Variants in ARAP2 observed in about 807,000 individuals in gnomAD.
The protein encoded by ARAP2 is ArfGAP with RhoGAP domain, ankyrin repeat and PH domain 2.
In ARAP2, 148 loss-of-function variants were observed where a neutral mutation model predicts 194.5. The ratio of observed to expected loss-of-function variants is 0.76; its 90% CI spans 0.67 to 0.87. ARAP2 has a LOEUF of 0.87. ARAP2 is among the 40% of genes least tolerant of loss of function. The probability of loss-of-function intolerance (pLI) is 0.00; values close to 1 mark genes in which losing one functional copy is unlikely to be tolerated. For missense variants in ARAP2, 2,128 were observed against 1,989.7 expected (o/e 1.07, Z -1.32); for synonymous variants, 695 against 683.5 (o/e 1.02, Z -0.26).
intron 26 of ARAP2, among the ~76,000 whole-genome samples, chr4:36,112,695 A>G (rs1281472105): frequency 6.6e-6 from 1 of 151,230 alleles, no homozygotes; most frequent in African/African-American, 2.5e-5. Flanking sequence ...AGAGATTTAA[A>G]AAAAAAAAAC....
downstream of ARAP2, among the ~76,000 whole-genome samples, chr4:36,064,501 TG>T (rs1440270820): frequency 2.0e-5 from 3 of 152,252 alleles, no homozygotes; most frequent in African/African-American, 7.2e-5. Context: ...CAGGACTTGC[TG>T]GCCCAGTTTG....
chr4:36,053,901 C>G (rs7693705), intron 2 of ARAP2, among the ~76,000 whole-genome samples: 54,306 of 151,712 alleles, frequency 0.36, 10,042 homozygotes, highest in Non-Finnish European at 0.4. Flanking sequence ...TGCTAAGTAG[C>G]TCAATACCAG....
intron 1 of ARAP2, among the ~76,000 whole-genome samples, chr4:36,060,809 G>C (rs563487328): frequency 1.3e-5 from 2 of 152,150 alleles, no homozygotes; most frequent in South Asian, 4.1e-4. Flanking sequence ...GTGTCTCTTT[G>C]TATGTCCTAA....
At position 36,058,298 on chromosome 4, in the gene ARAP2, C is replaced by G. The variant is rs190981317; in HGVS notation, n.148-155G>C. Among the ~76,000 whole-genome samples, 583 of 152,330 alleles carry G rather than the reference C, an allele frequency of 3.8e-3. 2 individuals are homozygous for G. The highest frequency in any genetic ancestry group is 6.9e-3 in the Non-Finnish European group (470 of 68,030). On this transcript the variant is annotated intron_variant and non_coding_transcript_variant, in intron 1 of 12. Coordinates refer to the ARAP2 transcript ENST00000503225. The stretch of plus-strand genomic sequence containing the variant: ...ACAAATGTCTTAAAAGGAAAACTAG[C>G]TATAGTTAGTTTTCTATTCCTCCAT...
At chr4:36,241,734 ATG>A (rs1284369826) in intron 1 of ARAP2, among the ~76,000 whole-genome samples, 1 of 152,214 alleles carries the variant, frequency 6.6e-6, no homozygotes, top group East Asian at 1.9e-4. Context: ...TTAAATTGTA[ATG>A]GTGAGAAAAA....
chr4:36,226,650 T>G (rs1750380322), intron 2 of ARAP2, among the ~76,000 whole-genome samples: 1 of 152,230 alleles, frequency 6.6e-6, no homozygotes, highest in African/African-American at 2.4e-5. Context: ...CTCATATTAC[T>G]TGTATGAAAT....
At chr4:36,138,434 A>T (rs1298949949) in intron 19 of ARAP2, among the ~76,000 whole-genome samples, 1 of 151,652 alleles carries the variant, frequency 6.6e-6, no homozygotes, top group African/African-American at 2.4e-5. Flanking sequence ...TTAGTTTCCC[A>T]GCTCTAAAGC....
At chr4:36,043,901 G>A (rs1310410145) in intron 5 of ARAP2, among the ~76,000 whole-genome samples, 5 of 141,552 alleles carry the variant, frequency 3.5e-5, no homozygotes, top group Non-Finnish European at 6.2e-5. Context: ...AAAGGGAGAG[G>A]GAAAGAGAAA....
downstream of ARAP2, among the ~76,000 whole-genome samples, chr4:36,063,403 C>T (rs1724792373): frequency 1.3e-5 from 2 of 151,392 alleles, no homozygotes; most frequent in South Asian, 4.2e-4. Context: ...CACACGTATA[C>T]CTATGTAACA....
Position 36,213,257 on chromosome 4 carries a change from G to T in ARAP2, c.1027C>A (p.Leu343Ile). 6.2e-7 allele frequency: 1 copy of T among 1,603,812 alleles called. No individual in the cohort carries two copies. Among genetic ancestry groups the T allele is most frequent in the Non-Finnish European group, 8.5e-7 (1 of 1,171,408 alleles). Residue 343 changes from leucine (L) to isoleucine (I), a missense_variant, in exon 4 of 33, where the codon CTA becomes ATA. Physicochemically the swap from Leu to Ile is conservative, Grantham distance 5. Coordinates refer to ENST00000303965, the MANE Select transcript of ARAP2 (RefSeq NM_015230.4). ...ATGGGACTAACCTTGGAATTTTCTAGTCTCTGGAAGAGAAAGGTCTCTCCA... is the reference window on the plus strand; with the variant it reads ...ATGGGACTAACCTTGGAATTTTCTATTCTCTGGAAGAGAAAGGTCTCTCCA... Reference protein sequence around the residue: ...PYGETFLFQRLENSKKRSIKN... With the variant: ...PYGETFLFQRIENSKKRSIKN...
At chr4:36,133,517 G>A in intron 19 of ARAP2, 128 bp from the exon 20 acceptor site, 1 of 803,024 alleles carries the variant, frequency 1.2e-6, no homozygotes, top group Non-Finnish European at 1.9e-6. Context: ...CATCCACCAC[G>A]AGCTTCCACT....
chr4:36,134,503 C>A (rs1019488116), intron 19 of ARAP2, among the ~76,000 whole-genome samples: 7 of 151,624 alleles, frequency 4.6e-5, no homozygotes, highest in Non-Finnish European at 8.9e-5. Context: ...GTCACTACAG[C>A]CCCTCCTTAC....
chr4:36,036,303 T>C (rs1036733734), intron 5 of ARAP2, among the ~76,000 whole-genome samples: 3 of 152,154 alleles, frequency 2.0e-5, no homozygotes, highest in South Asian at 2.1e-4. Flanking sequence ...TTCTAATCCA[T>C]GGACGTGGCA....
intron 28 of ARAP2, among the ~76,000 whole-genome samples, chr4:36,090,435 G>A (rs145468218): frequency 6.6e-6 from 1 of 151,954 alleles, no homozygotes; most frequent in Non-Finnish European, 1.5e-5. Flanking sequence ...ACCAAAACCT[G>A]ACAGAGATAC....
chr4:36,210,419 T>C lies in ARAP2; in HGVS notation c.1458A>G (p.Ser486=). The change falls in exon 6 of 33, where the codon TCA becomes TCG. Residue 486 remains serine (S), a synonymous_variant. Coordinates refer to ENST00000303965, the MANE Select transcript of ARAP2 (RefSeq NM_015230.4). Reference sequence around the variant, plus strand: ...GAGGAGAGAGTTTATCCAGCCATCCTGATTTAACCTTCTTTGCAGATGCTC... The same window carrying C: ...GAGGAGAGAGTTTATCCAGCCATCCCGATTTAACCTTCTTTGCAGATGCTC... ...FYGASAKKVK[S]GWLDKLSPQG... The C allele has an allele frequency of 1.2e-6, 2 of 1,612,676 alleles. No individual in the cohort carries two copies. Among genetic ancestry groups the C allele is most frequent in the South Asian group, 2.2e-5 (2 of 90,822 alleles).
chr4:36,191,229 A>G (rs1285465491), intron 7 of ARAP2, among the ~76,000 whole-genome samples: 1 of 152,200 alleles, frequency 6.6e-6, no homozygotes, highest in Non-Finnish European at 1.5e-5. Flanking sequence ...TTTGTTGAGG[A>G]AAATGTTACC....
At chr4:36,156,413 AAG>A (rs1560549589) in intron 15 of ARAP2, among the ~76,000 whole-genome samples, 1 of 3,780 alleles carries the variant, frequency 2.6e-4, no homozygotes, top group Admixed American at 2.2e-3. Context: ...GAAAGAAAGA[AAG>A]AAAGAAAGAA....
At chr4:36,080,179 A>G (rs768478303) in intron 31 of ARAP2, 37 bp downstream of exon 31, 52 of 1,552,146 alleles carry the variant, frequency 3.4e-5, no homozygotes, top group Non-Finnish European at 4.2e-5. Flanking sequence ...AAACAAAGTT[A>G]TTATACTCTA....
chr4:36,077,801 TCTC>T (rs1438124559), intron 31 of ARAP2, among the ~76,000 whole-genome samples: 1 of 152,144 alleles, frequency 6.6e-6, no homozygotes, highest in Non-Finnish European at 1.5e-5. Flanking sequence ...GCCTTCCTCA[TCTC>T]TAATATCTTA....
Sources: gnomAD v4.1 joint callset for allele counts (sites outside exome capture counted in the v4.1 genomes callset) on GRCh38, gnomAD v4.1.1 for gene constraint, MANE v1.5 for transcripts, NCBI Gene and HGNC (gene_info 2026-07-23, HGNC 2026-07-21) for gene names.